Variants in C6orf141 observed in about 807,000 individuals in gnomAD.
C6orf141 encodes the protein chromosome 6 open reading frame 141.
For synonymous variants in C6orf141, 164 were observed against 140.5 expected (o/e 1.17, Z -1.18); for missense variants, 361 against 335.8 (o/e 1.07, Z -0.59).
chr6:49,552,429 C>T (rs988406477), downstream of C6orf141: 11 of 152,292 alleles, frequency 7.2e-5, no homozygotes, highest in African/African-American at 2.6e-4. Flanking sequence ...GTTTGTTCCT[C>T]TTTATTATTA....
At chr6:49,557,059 G>A (rs1772092633), downstream of C6orf141, among the ~76,000 whole-genome samples, 1 of 152,136 alleles carries the variant, frequency 6.6e-6, no homozygotes, top group Non-Finnish European at 1.5e-5. Flanking sequence ...TTCAAGACTA[G>A]CCTGACCAAC....
chr6:49,553,881 G>A (rs963713700), downstream of C6orf141, among the ~76,000 whole-genome samples: 4 of 151,894 alleles, frequency 2.6e-5, no homozygotes, highest in African/African-American at 9.7e-5. Context: ...TTATTAGCAC[G>A]GTTATTGTTT....
Position 49,551,080 on chromosome 6 carries a change from G to A in C6orf141, c.288G>A (p.Glu96=). ...REKVLFLLHP[E]RWLGTRGDPA... is the part of the protein sequence containing the mutation. ...AAGTGCTCTTTCTCCTGCACCCAGA[G>A]AGGTGGTTAGGGACTCGAGGGGACC... The change falls in exon 1 of 1, where the codon GAG becomes GAA. Residue 96 remains glutamate (E), a synonymous_variant. Transcript: ENST00000529246. 6.4e-7 allele frequency: 1 copy of A among 1,551,668 alleles called. No individual in the cohort carries two copies. Among genetic ancestry groups the A allele is most frequent in the Non-Finnish European group, 8.7e-7 (1 of 1,146,992 alleles).
At position 49,551,029 on chromosome 6, in the gene C6orf141, G is replaced by C. The variant is rs1175329818; in HGVS notation, c.237G>C (p.Leu79Phe). ...RALGPRAGEE[L>F]DRESWVREKV... ...TCGGACCTCGGGCCGGGGAGGAATT[G>C]GACCGTGAGTCCTGGGTCAGAGAGA... The change falls in exon 1 of 1, where the codon TTG (leucine) becomes TTC (phenylalanine). Residue 79 changes from leucine (L) to phenylalanine (F), a missense_variant. Leu to Phe is a conservative substitution (Grantham distance 22). Coordinates refer to ENST00000529246, the MANE Select transcript of C6orf141 (RefSeq NM_001145652.2). 6.4e-7 allele frequency: 1 copy of C among 1,551,346 alleles called. No individual in the cohort carries two copies. Among genetic ancestry groups the C allele is most frequent in the Non-Finnish European group, 8.7e-7 (1 of 1,146,952 alleles).
In C6orf141 at chr6:49,551,649, G is replaced by A; in HGVS notation, c.*122G>A. On this transcript the variant is annotated 3_prime_UTR_variant, in exon 1 of 1. Transcript: ENST00000529246. ...AGGAACCTTTTGAGAGGCTGGTGCAGCGCTTCGGGGAGGCAGATTAAGAAC... is the reference window on the plus strand; with the variant it reads ...AGGAACCTTTTGAGAGGCTGGTGCAACGCTTCGGGGAGGCAGATTAAGAAC... The A allele has an allele frequency of 6.8e-7, 1 of 1,478,116 alleles. No individual in the cohort carries two copies. Among genetic ancestry groups the A allele is most frequent in the Non-Finnish European group, 8.9e-7 (1 of 1,118,264 alleles). The allele number at this position is 1,478,116 out of a possible 1,614,324, so 91.6% of individuals were successfully genotyped here.
intron 4 of C6orf141, chr6:49,560,543 C>T (rs1023195059): frequency 5.3e-5 from 8 of 152,192 alleles, no homozygotes; most frequent in African/African-American, 1.9e-4. Flanking sequence ...GCCTGTTGCT[C>T]AGGCTGGAGT....
At position 49,550,791 on chromosome 6, in the gene C6orf141, G is replaced by T; in HGVS notation, c.-2G>T. ...TGCTTGAACCGGTCAAAGAAGGAAC[G>T]AATGAATGACCCTTTTGCCAGGATG... is the stretch of plus-strand genomic sequence containing the variant. On this transcript the variant is annotated 5_prime_UTR_variant, in exon 1 of 1. Coordinates refer to ENST00000529246, the MANE Select transcript of C6orf141 (RefSeq NM_001145652.2). 1 of 1,455,224 alleles carries T rather than the reference G, an allele frequency of 6.9e-7. No individual in the cohort carries two copies. Among genetic ancestry groups the T allele is most frequent in the South Asian group, 1.5e-5 (1 of 67,014 alleles). 90.1% of individuals were successfully genotyped at this position (1,455,224 alleles called of 1,614,324 possible). A position where few individuals can be genotyped will look rare whatever the true frequency, so the allele number is the denominator to read the frequency against.
chr6:49,551,431 G>A lies in C6orf141; in HGVS notation c.639G>A (p.Arg213=), dbSNP rs1159058038. Residue 213 remains arginine (R), a synonymous_variant, in exon 1 of 1, where the codon CGG becomes CGA. Coordinates refer to ENST00000529246, the MANE Select transcript of C6orf141 (RefSeq NM_001145652.2). ...PGERWGPAES[R]ALQARTGASR... ...AACGCTGGGGCCCTGCTGAATCCCG[G>A]GCTCTCCAGGCACGAACAGGGGCAT... is the stretch of plus-strand genomic sequence containing the variant. The A allele has an allele frequency of 6.4e-7, 1 of 1,551,604 alleles. No individual in the cohort carries two copies. Among genetic ancestry groups the A allele is most frequent in the Admixed American group, 2.0e-5 (1 of 51,000 alleles).
At chr6:49,552,589 A>T (rs1284946804), downstream of C6orf141, 1 of 152,248 alleles carries the variant, frequency 6.6e-6, no homozygotes, top group African/African-American at 2.4e-5. Context: ...CTGGCTTTTG[A>T]TGAGCAAATA....
intron 4 of C6orf141, among the ~76,000 whole-genome samples, chr6:49,559,871 T>A (rs1238312089): frequency 2.0e-5 from 3 of 152,210 alleles, no homozygotes; most frequent in African/African-American, 7.2e-5. Context: ...TGTCCCTGTG[T>A]CAGGAAAAGC....
exon 5 of C6orf141, chr6:49,561,781 C>T (rs547417878): frequency 6.6e-6 from 1 of 152,042 alleles, no homozygotes; most frequent in Non-Finnish European, 1.5e-5. Flanking sequence ...AACTCCTTGG[C>T]TTAAGTGATC....
intron 4 of C6orf141, chr6:49,560,888 G>A (rs567135698): frequency 2.0e-5 from 3 of 152,026 alleles, no homozygotes; most frequent in African/African-American, 7.2e-5. Flanking sequence ...AAAAATTCTC[G>A]TGATTATTGC....
At chr6:49,556,787 C>A (rs1445416181), downstream of C6orf141, among the ~76,000 whole-genome samples, 2 of 152,196 alleles carry the variant, frequency 1.3e-5, no homozygotes, top group Non-Finnish European at 2.9e-5. Context: ...GAGGGCAAAT[C>A]TGTGAATTTA....
In C6orf141 at chr6:49,561,554, A is replaced by T. The variant is rs1407511126; in HGVS notation, c.*764-150A>T. ...CTTGAGTTACTTCTATCCTGCCATT[A>T]TATATGACTTATTTATGTGTAACAT... is the stretch of plus-strand genomic sequence containing the variant. On this transcript the variant is annotated intron_variant and NMD_transcript_variant, in intron 4 of 4. Transcript: ENST00000371194. The T allele has an allele frequency of 2.0e-5, 3 of 152,248 alleles. No homozygotes were observed. The East Asian group carries it at 5.8e-4, about 29-fold the overall frequency. 9.4% of individuals were successfully genotyped at this position (152,248 alleles called of 1,614,324 possible).
In C6orf141 at chr6:49,551,907, A is replaced by G; in HGVS notation, c.*380A>G. The G allele has an allele frequency of 9.1e-7, 1 of 1,095,002 alleles. No individual in the cohort carries two copies. The allele number at this position is 1,095,002 out of a possible 1,614,324, so 67.8% of individuals were successfully genotyped here. On this transcript the variant is annotated 3_prime_UTR_variant, in exon 1 of 1. Transcript: ENST00000529246. ...ACCTAGAAACAGAAGTGAAGTTTGA[A>G]GTCTGCTCTCTGCAAAGAGGGTGGG... is the stretch of plus-strand genomic sequence containing the variant.
chr6:49,555,411 C>G (rs1771646686), downstream of C6orf141: 1 of 151,970 alleles, frequency 6.6e-6, no homozygotes, highest in South Asian at 2.1e-4. Flanking sequence ...ACAGATGACC[C>G]CAAATCTCTT....
At chr6:49,556,407 A>G (rs1163643568), downstream of C6orf141, among the ~76,000 whole-genome samples, 1 of 152,232 alleles carries the variant, frequency 6.6e-6, no homozygotes, top group Non-Finnish European at 1.5e-5. Context: ...AGAGATCTCT[A>G]TGAAGCTTTA....
chr6:49,550,980 A>G lies in C6orf141; in HGVS notation c.188A>G (p.Glu63Gly). The change falls in exon 1 of 1, where the codon GAG (glutamate) becomes GGG (glycine). Residue 63 changes from glutamate (E) to glycine (G), a missense_variant. Glu to Gly is a moderately conservative substitution (Grantham distance 98, BLOSUM62 -2). Transcript: ENST00000529246. ...AGCCGAAGCCAGGGCGGCGGCCACGAGGACAGAACGGCAGATCGGGCCCTC... is the reference window on the plus strand; with the variant it reads ...AGCCGAAGCCAGGGCGGCGGCCACGGGGACAGAACGGCAGATCGGGCCCTC... ...GASRSQGGGH[E>G]DRTADRALGP... The G allele has an allele frequency of 6.4e-7, 1 of 1,550,784 alleles. No homozygotes were observed.
At chr6:49,555,753 C>A (rs1375057622), downstream of C6orf141, among the ~76,000 whole-genome samples, 6 of 152,032 alleles carry the variant, frequency 3.9e-5, no homozygotes, top group African/African-American at 1.4e-4. Context: ...CGTGATCTGT[C>A]CACCTCAGCC....
Sources: gnomAD v4.1 joint callset for allele counts (sites outside exome capture counted in the v4.1 genomes callset) on GRCh38, gnomAD v4.1.1 for gene constraint, MANE v1.5 for transcripts, NCBI Gene and HGNC (gene_info 2026-07-23, HGNC 2026-07-21) for gene names.